ZNF558: variants seen among roughly 807,000 people sequenced by gnomAD.
ZNF558 encodes zinc finger protein 558.
Under a neutral mutation model 37.6 loss-of-function variants are expected in ZNF558, and 23 were observed. The observed-to-expected ratio is 0.61, with a 90% CI of 0.44 to 0.87. ZNF558 has a LOEUF of 0.87. ZNF558 is among the 40% of genes least tolerant of loss of function. The probability of loss-of-function intolerance (pLI) is 0.00; values close to 1 mark genes in which losing one functional copy is unlikely to be tolerated. For synonymous variants in ZNF558, 189 were observed against 174.4 expected (o/e 1.08, Z -0.66); for missense variants, 429 against 483.7 (o/e 0.89, Z 1.06).
At chr19:8,823,278 C>T (rs143161559) in intron 4 of ZNF558, among the ~76,000 whole-genome samples, 35 of 149,674 alleles carry the variant, frequency 2.3e-4, no homozygotes, top group Middle Eastern at 3.2e-3. Context: ...TCAACTTCCA[C>T]GGCGTTCACT....
upstream of ZNF558, among the ~76,000 whole-genome samples, chr19:8,836,810 TC>T (rs1237081131): frequency 6.6e-6 from 1 of 152,216 alleles, no homozygotes; most frequent in Non-Finnish European, 1.5e-5. Flanking sequence ...ATCTTAATTT[TC>T]CACACCATCA....
At chr19:8,823,072 C>T (rs1376752661) in intron 4 of ZNF558, among the ~76,000 whole-genome samples, 1 of 152,048 alleles carries the variant, frequency 6.6e-6, no homozygotes, top group Non-Finnish European at 1.5e-5. Flanking sequence ...ACTCCTCCCA[C>T]CTCCAGTCCC....
intron 1 of ZNF558, 83 bp from the exon 2 acceptor site, chr19:8,831,484 C>G (rs965404459): frequency 1.3e-5 from 2 of 152,076 alleles, no homozygotes; most frequent in African/African-American, 4.8e-5. Flanking sequence ...GCCGGAAACA[C>G]CATCCCATTC....
chr19:8,812,394 C>T (rs1294119353), intron 9 of ZNF558, among the ~76,000 whole-genome samples, 167 bp downstream of exon 9: 2 of 152,216 alleles, frequency 1.3e-5, no homozygotes, highest in African/African-American at 2.4e-5. Context: ...AGCTAACTCA[C>T]ACTTCTCTAA....
intron 2 of ZNF558, among the ~76,000 whole-genome samples, chr19:8,825,992 G>T (rs11673544): frequency 0.17 from 26,021 of 152,132 alleles, 2,766 homozygotes; most frequent in East Asian, 0.27. Context: ...TTCAAAGAAG[G>T]ATGGGATGAG....
chr19:8,837,540 T>C, the ZNF558 span, among the ~76,000 whole-genome samples: 14 of 152,182 alleles, frequency 9.2e-5, no homozygotes, highest in Admixed American at 5.9e-4. Flanking sequence ...GCCTGGACCC[T>C]TTCTGCCTCG....
chr19:8,831,643 C>G (rs2044358783), intron 1 of ZNF558, among the ~76,000 whole-genome samples: 1 of 152,228 alleles, frequency 6.6e-6, no homozygotes, highest in Admixed American at 6.5e-5. Flanking sequence ...GCTCAACTTA[C>G]TACGCTGGAG....
intron 7 of ZNF558, among the ~76,000 whole-genome samples, chr19:8,813,515 C>T (rs774987656): frequency 9.9e-5 from 15 of 152,074 alleles, no homozygotes; most frequent in Non-Finnish European, 1.3e-4. Flanking sequence ...CACACAACCA[C>T]GCCCGGCTAA....
rs1335608053 is a variant in ZNF558 at position 8,807,219 on chromosome 19, T to A, written c.*4062A>T. The A allele has an allele frequency of 6.6e-6, 1 of 152,328 alleles. No individual in the cohort carries two copies. Among genetic ancestry groups the A allele is most frequent in the Non-Finnish European group, 1.5e-5 (1 of 68,152 alleles). 9.4% of individuals were successfully genotyped at this position (152,328 alleles called of 1,614,324 possible). On this transcript the variant is annotated 3_prime_UTR_variant, in exon 10 of 10. Coordinates refer to ENST00000601372, the MANE Select transcript of ZNF558 (RefSeq NM_144693.3). ...TCTCAGCTCCTGGAATGCAGCCCTC[T>A]CCTCTCGTCTCCAGATTCAGTTGCT...
At chr19:8,823,167 T>G (rs1056860740) in intron 4 of ZNF558, among the ~76,000 whole-genome samples, 1 of 152,012 alleles carries the variant, frequency 6.6e-6, no homozygotes, top group Non-Finnish European at 1.5e-5. Context: ...ATCAGCCACA[T>G]GTTTCCACAG....
rs148351814 is a variant in ZNF558 at position 8,829,501 on chromosome 19, A to G, written c.-509+1817T>C. Among the ~76,000 whole-genome samples, 86 of 152,280 alleles carry G rather than the reference A, an allele frequency of 5.6e-4. 3 individuals are homozygous for G. The East Asian group carries it at 0.014, about 25-fold the overall frequency. ...GAAAGCTTCCCTGTTCCCTCTGATC[A>G]AGTTCACTAGTGCCAAGCTCCCACA... is the stretch of plus-strand genomic sequence containing the variant. On this transcript the variant is annotated intron_variant, in intron 2 of 9. Coordinates refer to ENST00000601372, the MANE Select transcript of ZNF558 (RefSeq NM_144693.3).
chr19:8,821,450 G>T lies in ZNF558; in HGVS notation c.121-144C>A, dbSNP rs1214108684. The T allele has an allele frequency of 4.0e-6, 6 of 1,518,608 alleles. No individual in the cohort carries two copies. The African/African-American group carries it at 5.7e-5, about 14-fold the overall frequency. 94.1% of individuals were successfully genotyped at this position (1,518,608 alleles called of 1,614,324 possible). A position where few individuals can be genotyped will look rare whatever the true frequency, so the allele number is the denominator to read the frequency against. ...GGTGGTTCTGAGCTCACCTCCCAGG[G>T]TTCTGAGCTCCTCTCCCAGGGTTCT... On this transcript the variant is annotated intron_variant, in intron 6 of 9. Transcript: ENST00000601372.
intron 7 of ZNF558, among the ~76,000 whole-genome samples, chr19:8,815,475 A>C (rs2043911795): frequency 6.6e-6 from 1 of 152,004 alleles, no homozygotes; most frequent in African/African-American, 2.4e-5. Context: ...GATATTATCC[A>C]GTCTGAGGAG....
rs546272594 is a variant in ZNF558, at chr19:8,815,330, A to G, written c.248-2108T>C. Among the ~76,000 whole-genome samples the G allele has an allele frequency of 4.6e-5, 7 of 152,320 alleles. No individual in the cohort carries two copies. In the South Asian group the frequency reaches 1.5e-3, roughly 32 times the overall value. On this transcript the variant is annotated intron_variant, in intron 7 of 9. Coordinates refer to ENST00000601372, the MANE Select transcript of ZNF558 (RefSeq NM_144693.3). ...TATCAAAAAAATACAAAAAATGGAA[A>G]ACATTAAGAGACAGAAACTTTAGGA...
intron 7 of ZNF558, among the ~76,000 whole-genome samples, chr19:8,816,967 T>C (rs1479002864): frequency 2.6e-5 from 4 of 152,286 alleles, no homozygotes; most frequent in Admixed American, 2.0e-4. Context: ...TAGATTGTTA[T>C]AAATTAAAAT....
At chr19:8,821,640 AG>A in intron 6 of ZNF558, 1 of 1,320,606 alleles carries the variant, frequency 7.6e-7, no homozygotes, top group East Asian at 3.3e-5. Context: ...CTCAATCTCC[AG>A]GGGATCATGG....
chr19:8,816,757 A>C (rs1209293412), intron 7 of ZNF558, among the ~76,000 whole-genome samples: 1 of 152,230 alleles, frequency 6.6e-6, no homozygotes, highest in Non-Finnish European at 1.5e-5. Flanking sequence ...GGTGAATATA[A>C]AAGTCACTGA....
At chr19:8,826,599 G>A (rs1343698243) in intron 2 of ZNF558, among the ~76,000 whole-genome samples, 2 of 152,082 alleles carry the variant, frequency 1.3e-5, no homozygotes, top group Non-Finnish European at 2.9e-5. Context: ...CGAGCAATGA[G>A]GAGTGGCTGT....
At position 8,808,513 on chromosome 19, in the gene ZNF558, C is replaced by T. The variant is rs1176306631; in HGVS notation, c.*2768G>A. 2.6e-5 allele frequency: 4 copies of T among 152,108 alleles called. No homozygotes were observed. Among genetic ancestry groups the T allele is most frequent in the African/African-American group, 9.7e-5 (4 of 41,410 alleles). The allele number at this position is 152,108 out of a possible 1,614,324, so 9.4% of individuals were successfully genotyped here. ...CATAATGGAAGAGTTTACCACACCT[C>T]TATCACTAAATAAGGTTAGAAAAAG... On this transcript the variant is annotated 3_prime_UTR_variant, in exon 10 of 10. Coordinates refer to ENST00000601372, the MANE Select transcript of ZNF558 (RefSeq NM_144693.3).
Sources: allele counts gnomAD v4.1 joint callset (sites outside exome capture counted in the v4.1 genomes callset), GRCh38; gene constraint gnomAD v4.1.1; transcripts MANE v1.5; gene names NCBI Gene and HGNC (gene_info 2026-07-23, HGNC 2026-07-21).